Variants in CSMD1 observed in about 807,000 individuals in gnomAD.
CSMD1 encodes CUB and Sushi multiple domains 1.
CSMD1 carries 213 observed loss-of-function variants against 417.5 expected under a neutral mutation model. That is an observed-to-expected ratio of 0.51 (90% CI 0.46 to 0.57). The LOEUF (loss-of-function observed/expected upper bound fraction) is 0.57. CSMD1 is among the 20% of genes least tolerant of loss of function. The pLI is 0.00. For synonymous variants in CSMD1, 2,862 were observed against 1,736.8 expected, an observed-to-expected ratio of 1.65 and a Z score of -16.11; for missense variants, 6,923 against 4,529.7, an observed-to-expected ratio of 1.53 and a Z score of -15.17.
intron 3 of CSMD1, among the ~76,000 whole-genome samples, chr8:4,293,687 A>G (rs1203930097): frequency 6.6e-6 from 1 of 152,222 alleles, no homozygotes; most frequent in East Asian, 1.9e-4. Flanking sequence ...ATCATATCTC[A>G]TTACTTAGAA....
intron 40 of CSMD1, among the ~76,000 whole-genome samples, chr8:3,145,818 A>G (rs1338550083): frequency 6.6e-6 from 1 of 152,234 alleles, no homozygotes; most frequent in Non-Finnish European, 1.5e-5. Flanking sequence ...AAATCTGAAT[A>G]CTTACCTTTG....
At chr8:3,295,378 G>A (rs183230802) in intron 25 of CSMD1, among the ~76,000 whole-genome samples, 2,975 of 152,050 alleles carry the variant, frequency 0.02, 40 homozygotes, top group East Asian at 0.03. Context: ...CACCCGCCTC[G>A]GCCTCCCAAA....
rs76532518 is a variant in CSMD1 at position 3,148,823 on chromosome 8, C to T, written c.6031+2574G>A. ...TGCCTCTCCTCCCAATTTCTCACTTCGTATCTATTACTGTTTAGAGGTTAT... is the reference window on the plus strand; with the variant it reads ...TGCCTCTCCTCCCAATTTCTCACTTTGTATCTATTACTGTTTAGAGGTTAT... On this transcript the variant is annotated intron_variant, in intron 40 of 69. Transcript: ENST00000635120. 7.1e-3 allele frequency among the ~76,000 whole-genome samples: 1,077 copies of T among 152,248 alleles called. 11 individuals carry two copies. Among genetic ancestry groups the T allele is most frequent in the African/African-American group, 0.025 (1,030 of 41,540 alleles).
intron 1 of CSMD1, among the ~76,000 whole-genome samples, chr8:4,965,289 G>T (rs1413437533): frequency 1.3e-5 from 2 of 152,196 alleles, no homozygotes; most frequent in African/African-American, 4.8e-5. Context: ...AGTACTTATT[G>T]TGTATCAGGC....
chr8:3,102,349 C>T (rs909171518), intron 46 of CSMD1, among the ~76,000 whole-genome samples: 3 of 152,084 alleles, frequency 2.0e-5, no homozygotes, highest in Admixed American at 6.6e-5. Context: ...GATCACTCTC[C>T]GGTTGTTTTA....
chr8:3,146,957 T>A (rs11987312), intron 40 of CSMD1, among the ~76,000 whole-genome samples: 3,450 of 152,234 alleles, frequency 0.023, 96 homozygotes, highest in East Asian at 0.068. Context: ...AGATTCATAA[T>A]ACCCAATAAA....
intron 25 of CSMD1, among the ~76,000 whole-genome samples, chr8:3,295,403 G>T (rs988014638): frequency 6.6e-6 from 1 of 152,098 alleles, no homozygotes; most frequent in Non-Finnish European, 1.5e-5. Flanking sequence ...TGGGATTAGA[G>T]GTGTGAGCCA....
intron 3 of CSMD1, among the ~76,000 whole-genome samples, chr8:4,152,675 G>A (rs977038762): frequency 1.3e-5 from 2 of 151,742 alleles, no homozygotes; most frequent in African/African-American, 2.4e-5. Context: ...AAGCAACAGA[G>A]CGAGACCTTG....
intron 8 of CSMD1, among the ~76,000 whole-genome samples, chr8:3,598,486 G>A (rs996262893): frequency 6.6e-6 from 1 of 152,148 alleles, no homozygotes; most frequent in South Asian, 2.1e-4. Flanking sequence ...ATAGGCTCAA[G>A]TGGGGACATC....
At chr8:4,197,749 C>T (rs1329358370) in intron 3 of CSMD1, among the ~76,000 whole-genome samples, 6 of 151,950 alleles carry the variant, frequency 3.9e-5, no homozygotes, top group Admixed American at 6.6e-5. Context: ...CATGGTGGTG[C>T]GTTCTTGTAA....
chr8:4,932,466 A>C (rs1344718907), intron 1 of CSMD1, among the ~76,000 whole-genome samples: 2 of 152,214 alleles, frequency 1.3e-5, no homozygotes, highest in Non-Finnish European at 2.9e-5. Flanking sequence ...AAAGAGAAAT[A>C]ATATACTACC....
chr8:3,862,751 TG>T (rs1387863390), intron 5 of CSMD1, among the ~76,000 whole-genome samples: 1 of 152,144 alleles, frequency 6.6e-6, no homozygotes, highest in African/African-American at 2.4e-5. Context: ...TGATTATGTT[TG>T]TTTTGCCACT....
rs573058029 is a variant in CSMD1 at position 4,142,167 on chromosome 8, T to C, written c.416-110068A>G. Among the ~76,000 whole-genome samples the C allele has an allele frequency of 5.3e-5, 8 of 151,338 alleles. No individual in the cohort carries two copies. The South Asian group carries it at 1.7e-3, about 31-fold the overall frequency. On this transcript the variant is annotated intron_variant, in intron 3 of 69. Transcript: ENST00000635120. ...ATATGTTAAAAATGATACTGGTGAATACCATCATGACTCAAGATAATCACC... is the reference window on the plus strand; with the variant it reads ...ATATGTTAAAAATGATACTGGTGAACACCATCATGACTCAAGATAATCACC...
At chr8:3,577,173 T>C (rs1011595971) in intron 9 of CSMD1, among the ~76,000 whole-genome samples, 5 of 152,184 alleles carry the variant, frequency 3.3e-5, no homozygotes, top group African/African-American at 1.2e-4. Flanking sequence ...AGGTGCCTGC[T>C]GTGAAGCTGG....
At chr8:4,647,455 G>C (rs561386941) in intron 1 of CSMD1, among the ~76,000 whole-genome samples, 3 of 151,602 alleles carry the variant, frequency 2.0e-5, no homozygotes, top group African/African-American at 7.3e-5. Context: ...CGTGTGCCAC[G>C]GCGGCCTGCT....
chr8:3,525,977 T>A (rs934197142), intron 10 of CSMD1, among the ~76,000 whole-genome samples: 49 of 152,234 alleles, frequency 3.2e-4, no homozygotes, highest in African/African-American at 1.2e-3. Flanking sequence ...TCTGGTAAAA[T>A]CAGCACCTCT....
At position 3,710,562 on chromosome 8, in the gene CSMD1, G is replaced by A. The variant is rs78743054; in HGVS notation, c.932-2071C>T. 7.3e-3 allele frequency among the ~76,000 whole-genome samples: 1,117 copies of A among 152,226 alleles called. 33 individuals carry two copies. In the East Asian group the frequency reaches 0.12, roughly 16 times the overall value. On this transcript the variant is annotated intron_variant, in intron 6 of 69. Coordinates refer to ENST00000635120, the MANE Select transcript of CSMD1 (RefSeq NM_033225.6). ...CCCTTTGGGACTGTCTTCCCTCACT[G>A]ATGTCACTAAGCACCTGCTTCCTCT...
At chr8:4,487,256 C>T (rs769912769) in intron 2 of CSMD1, among the ~76,000 whole-genome samples, 2 of 151,928 alleles carry the variant, frequency 1.3e-5, no homozygotes, top group Non-Finnish European at 2.9e-5. Flanking sequence ...TGTGCCATGC[C>T]GGTGCGGTGC....
In CSMD1 at chr8:2,955,734, G is replaced by A. The variant is rs1802954766; in HGVS notation, c.9849C>T (p.His3283=). The change falls in exon 64 of 70, where the codon CAC becomes CAT. Residue 3283 remains histidine, a synonymous_variant. Transcript: ENST00000635120. ...GAAGATCGATGGCTCTCACATCCGC[G>A]TGTGCCGGGGTTTCTGGCTGTCTGC... is the stretch of plus-strand genomic sequence containing the variant. The part of the protein sequence containing the change: ...HACRQPETPA[H]ADVRAIDLPT... 2 of 1,613,884 alleles carry A rather than the reference G, an allele frequency of 1.2e-6. No homozygotes were observed. Among genetic ancestry groups the A allele is most frequent in the South Asian group, 1.1e-5 (1 of 91,068 alleles).
Sources: gnomAD v4.1 joint callset for allele counts (sites outside exome capture counted in the v4.1 genomes callset) on GRCh38, gnomAD v4.1.1 for gene constraint, MANE v1.5 for transcripts, NCBI Gene and HGNC (gene_info 2026-07-23, HGNC 2026-07-21) for gene names.